TFCP2: variants seen among roughly 807,000 people sequenced by gnomAD.
TFCP2 encodes the protein alpha-globin transcription factor CP2.
Under a neutral mutation model 73.4 loss-of-function variants are expected in TFCP2, and 33 were observed. That is an observed-to-expected ratio of 0.45 (90% CI 0.34 to 0.60). The LOEUF (loss-of-function observed/expected upper bound fraction) is 0.60, where lower values mean the gene tolerates loss of function less well. TFCP2 is among the 20% of genes least tolerant of loss of function. TFCP2 has a pLI of 0.01. For missense variants in TFCP2, 352 were observed against 604.0 expected (o/e 0.58, Z 4.37); for synonymous variants, 193 against 211.6 (o/e 0.91, Z 0.76).
At chr12:51,167,714 T>C (rs1941783409) in intron 1 of TFCP2, among the ~76,000 whole-genome samples, 1 of 152,002 alleles carries the variant, frequency 6.6e-6, no homozygotes, top group South Asian at 2.1e-4. Flanking sequence ...TTAGAACCAG[T>C]TGGCAAAGAT....
chr12:51,159,263 T>C (rs2137040573), intron 1 of TFCP2, among the ~76,000 whole-genome samples: 1 of 151,964 alleles, frequency 6.6e-6, no homozygotes, highest in Admixed American at 6.6e-5. Context: ...AACAAAGTGG[T>C]GAGATGCAAC....
At chr12:51,142,602 C>T (rs183871948) in intron 1 of TFCP2, among the ~76,000 whole-genome samples, 2 of 152,140 alleles carry the variant, frequency 1.3e-5, no homozygotes, top group Admixed American at 6.6e-5. Flanking sequence ...TTCTCAAGAA[C>T]CTTTTTCCTC....
At chr12:51,137,412 G>A (rs1192368696) in intron 1 of TFCP2, among the ~76,000 whole-genome samples, 1 of 152,052 alleles carries the variant, frequency 6.6e-6, no homozygotes. Context: ...ATCTGTGTCA[G>A]ATACAAATTT....
chr12:51,100,810 T>A (rs1940093191), intron 11 of TFCP2, among the ~76,000 whole-genome samples: 1 of 152,140 alleles, frequency 6.6e-6, no homozygotes, highest in Non-Finnish European at 1.5e-5. Context: ...CAAGACCCTG[T>A]CTGAAGAAAA....
At chr12:51,150,316 G>A (rs906696966) in intron 1 of TFCP2, among the ~76,000 whole-genome samples, 5 of 152,080 alleles carry the variant, frequency 3.3e-5, no homozygotes, top group Non-Finnish European at 7.4e-5. Flanking sequence ...TACTTGGGAG[G>A]CTGAGGCATG....
Position 51,124,983 on chromosome 12 carries a change from T to C in TFCP2, c.123-6211A>G, listed in dbSNP as rs1363157414. On this transcript the variant is annotated intron_variant, in intron 1 of 14. Transcript: ENST00000257915. ...GTTGCTCACCTGCCTGGAGACCAGCTCTCTCTGAGTGATAACTTCTCCAGC... is the reference window on the plus strand; with the variant it reads ...GTTGCTCACCTGCCTGGAGACCAGCCCTCTCTGAGTGATAACTTCTCCAGC... 5.5e-6 allele frequency: 4 copies of C among 726,858 alleles called. No homozygotes were observed. In the Admixed American group the frequency reaches 7.4e-5, roughly 13 times the overall value. 45.0% of individuals were successfully genotyped at this position (726,858 alleles called of 1,614,324 possible). A position where few individuals can be genotyped will look rare whatever the true frequency, so the allele number is the denominator to read the frequency against.
chr12:51,104,993 T>C (rs1042710567), intron 8 of TFCP2, among the ~76,000 whole-genome samples: 2 of 151,950 alleles, frequency 1.3e-5, no homozygotes, highest in African/African-American at 4.8e-5. Context: ...ATTACAGGCG[T>C]GAGCCACCGC....
At chr12:51,147,925 C>G (rs1341872850) in intron 1 of TFCP2, among the ~76,000 whole-genome samples, 3 of 152,022 alleles carry the variant, frequency 2.0e-5, no homozygotes, top group Non-Finnish European at 2.9e-5. Flanking sequence ...CCACAAGGAA[C>G]TCAAACAAAT....
chr12:51,143,862 A>G (rs1365623597), intron 1 of TFCP2, among the ~76,000 whole-genome samples: 1 of 152,178 alleles, frequency 6.6e-6, no homozygotes, highest in Non-Finnish European at 1.5e-5. Context: ...GTACAGATAC[A>G]AAGCAGACAA....
chr12:51,099,820 T>C (rs200464548), intron 11 of TFCP2, 41 bp from the exon 12 acceptor site: 6 of 1,597,428 alleles, frequency 3.8e-6, no homozygotes, highest in Admixed American at 1.7e-5. Flanking sequence ...ACATTCTTTA[T>C]GGTAAGCACA....
At chr12:51,105,274 A>G (rs1940204740) in intron 8 of TFCP2, among the ~76,000 whole-genome samples, 2 of 151,706 alleles carry the variant, frequency 1.3e-5, no homozygotes, top group Non-Finnish European at 2.9e-5. Flanking sequence ...TTTTATTTTT[A>G]GTAGAGACGG....
intron 1 of TFCP2, among the ~76,000 whole-genome samples, chr12:51,126,495 G>T (rs1202083064): frequency 1.3e-5 from 2 of 152,078 alleles, no homozygotes; most frequent in African/African-American, 4.8e-5. Flanking sequence ...AGCCCTGAAT[G>T]GTCTCTAATT....
chr12:51,159,007 C>CAAA (rs1390552711), intron 1 of TFCP2, among the ~76,000 whole-genome samples: 2 of 15,506 alleles, frequency 1.3e-4, no homozygotes, highest in Non-Finnish European at 4.7e-4. Flanking sequence ...ACTAAAAATC[C>CAAA]AAAAAAAAAA....
At chr12:51,128,334 T>C (rs574044571) in intron 1 of TFCP2, among the ~76,000 whole-genome samples, 4 of 152,192 alleles carry the variant, frequency 2.6e-5, no homozygotes, top group African/African-American at 9.6e-5. Context: ...GAATAGTTCA[T>C]TAAAAAAACT....
At chr12:51,148,362 T>C (rs1941344082) in intron 1 of TFCP2, among the ~76,000 whole-genome samples, 1 of 152,140 alleles carries the variant, frequency 6.6e-6, no homozygotes, top group Non-Finnish European at 1.5e-5. Flanking sequence ...CAATTTGCAA[T>C]TGCAAAAATA....
At chr12:51,130,291 G>A (rs1940911136) in intron 1 of TFCP2, among the ~76,000 whole-genome samples, 1 of 152,024 alleles carries the variant, frequency 6.6e-6, no homozygotes, top group South Asian at 2.1e-4. Flanking sequence ...GGCCAACATG[G>A]TGAAACCCCG....
intron 1 of TFCP2, chr12:51,125,190 T>C: frequency 1.5e-6 from 1 of 678,222 alleles, no homozygotes; most frequent in Non-Finnish European, 2.8e-6. Flanking sequence ...GATTGGTACA[T>C]TACGTGGTGG....
intron 1 of TFCP2, among the ~76,000 whole-genome samples, chr12:51,126,494 T>G (rs898732030): frequency 6.6e-6 from 1 of 152,126 alleles, no homozygotes; most frequent in Non-Finnish European, 1.5e-5. Flanking sequence ...CAGCCCTGAA[T>G]GGTCTCTAAT....
chr12:51,148,184 C>T (rs1343856628), intron 1 of TFCP2, among the ~76,000 whole-genome samples: 1 of 152,096 alleles, frequency 6.6e-6, no homozygotes, highest in Non-Finnish European at 1.5e-5. Context: ...TATACTGTTG[C>T]TGGGAATGTA....
Sources: allele counts gnomAD v4.1 joint callset (sites outside exome capture counted in the v4.1 genomes callset), GRCh38; gene constraint gnomAD v4.1.1; transcripts MANE v1.5; gene names NCBI Gene and HGNC (gene_info 2026-07-23, HGNC 2026-07-21).